AGBL4: variants seen among roughly 807,000 people sequenced by gnomAD.
AGBL4 encodes AGBL carboxypeptidase 4.
In AGBL4, 58 loss-of-function variants were observed where a neutral mutation model predicts 66.4. That is an observed-to-expected ratio of 0.87 (90% CI 0.71 to 1.09). The LOEUF (loss-of-function observed/expected upper bound fraction) is 1.09, where lower values mean the gene tolerates loss of function less well. Ranked by LOEUF, AGBL4 falls within the 50% of genes least tolerant of loss-of-function variation. The pLI is 0.00. For synonymous variants in AGBL4, 234 were observed against 222.9 expected (o/e 1.05, Z -0.44); for missense variants, 579 against 631.0 (o/e 0.92, Z 0.88).
At chr1:49,584,459 ATTACACGTCATC>A (rs1196631734) in intron 3 of AGBL4, among the ~76,000 whole-genome samples, 1 of 152,144 alleles carries the variant, frequency 6.6e-6, no homozygotes, top group African/African-American at 2.4e-5. Flanking sequence ...CCTATGAGGT[ATTACACGTCATC>A]TTGGAAAGCA....
chr1:49,775,698 T>C (rs1400756586), intron 2 of AGBL4, among the ~76,000 whole-genome samples: 5 of 152,122 alleles, frequency 3.3e-5, no homozygotes, highest in Non-Finnish European at 5.9e-5. Context: ...CAATATATTA[T>C]AGACTTTTAC....
chr1:49,598,100 T>C (rs1343635166), intron 3 of AGBL4, among the ~76,000 whole-genome samples: 1 of 152,210 alleles, frequency 6.6e-6, no homozygotes, highest in Non-Finnish European at 1.5e-5. Flanking sequence ...GTGCTGGTTT[T>C]CAAAGGGAGT....
At chr1:49,662,425 T>C (rs1646287925) in intron 3 of AGBL4, among the ~76,000 whole-genome samples, 1 of 152,034 alleles carries the variant, frequency 6.6e-6, no homozygotes, top group African/African-American at 2.4e-5. Flanking sequence ...AAACATCTTT[T>C]AACACAATGA....
chr1:49,064,618 A>G (rs1166419896), intron 4 of AGBL4, among the ~76,000 whole-genome samples: 1 of 152,232 alleles, frequency 6.6e-6, no homozygotes, highest in Non-Finnish European at 1.5e-5. Context: ...AAATAGATTT[A>G]TATTCTTACA....
chr1:48,663,071 T>C (rs1371195728), intron 7 of AGBL4, 81 bp downstream of exon 7: 4 of 1,311,258 alleles, frequency 3.1e-6, no homozygotes, highest in Non-Finnish European at 4.4e-6. Flanking sequence ...TGGCTCTGCA[T>C]GTGGCCACAC....
intron 3 of AGBL4, among the ~76,000 whole-genome samples, chr1:49,325,816 T>A (rs1645218672): frequency 6.6e-6 from 1 of 152,240 alleles, no homozygotes. Flanking sequence ...GTGCTATCTA[T>A]TCTCATGATA....
intron 11 of AGBL4, among the ~76,000 whole-genome samples, chr1:48,579,395 T>C (rs1280249727): frequency 6.7e-6 from 1 of 149,324 alleles, no homozygotes; most frequent in Non-Finnish European, 1.5e-5. Flanking sequence ...GTTTGGCTAT[T>C]TTGTTGTTGT....
At chr1:49,156,711 T>C (rs1382615861) in intron 4 of AGBL4, among the ~76,000 whole-genome samples, 1 of 152,180 alleles carries the variant, frequency 6.6e-6, no homozygotes, top group Non-Finnish European at 1.5e-5. Context: ...TTTATAAACT[T>C]ATTTCAGAGT....
chr1:49,299,194 G>A (rs1002395141), intron 3 of AGBL4, among the ~76,000 whole-genome samples: 2 of 152,104 alleles, frequency 1.3e-5, no homozygotes, highest in African/African-American at 4.8e-5. Context: ...TATAAAGCTA[G>A]TATATGAGAT....
chr1:49,327,343 C>T (rs1384258509), intron 3 of AGBL4, among the ~76,000 whole-genome samples: 1 of 152,210 alleles, frequency 6.6e-6, no homozygotes, highest in Non-Finnish European at 1.5e-5. Context: ...ATTTACTAAA[C>T]AAACTAGGCT....
chr1:48,984,480 C>T (rs939928804), intron 5 of AGBL4, among the ~76,000 whole-genome samples: 4 of 149,084 alleles, frequency 2.7e-5, no homozygotes, highest in African/African-American at 2.5e-5. Context: ...GCCTGAGCCT[C>T]GGCTTTCCCA....
chr1:48,953,844 C>A (rs977175889), intron 5 of AGBL4, among the ~76,000 whole-genome samples: 5 of 152,156 alleles, frequency 3.3e-5, no homozygotes, highest in African/African-American at 1.2e-4. Flanking sequence ...TGGCTCAGAG[C>A]AGGAACAACG....
Position 48,603,527 on chromosome 1 carries a change from G to C in AGBL4, c.952-12542C>G, listed in dbSNP as rs142742667. The stretch of plus-strand genomic sequence containing the variant: ...GAAGAGCAGGGGAGGGGACACAGAG[G>C]GGGGTGAGGAAACAGACTAGAGAGG... On this transcript the variant is annotated intron_variant, in intron 9 of 13. Coordinates refer to ENST00000371839, the MANE Select transcript of AGBL4 (RefSeq NM_032785.4). Among the ~76,000 whole-genome samples, 486 of 152,206 alleles carry C rather than the reference G, an allele frequency of 3.2e-3. 8 individuals carry two copies. Among genetic ancestry groups the C allele is most frequent in the African/African-American group, 0.011 (445 of 41,544 alleles).
At chr1:48,897,924 C>A (rs1342806615) in intron 5 of AGBL4, among the ~76,000 whole-genome samples, 1 of 151,748 alleles carries the variant, frequency 6.6e-6, no homozygotes, top group South Asian at 2.1e-4. Flanking sequence ...ATTCTCCTGC[C>A]TCAGCCTCCC....
chr1:49,772,132 T>C (rs1435614208), intron 2 of AGBL4, among the ~76,000 whole-genome samples: 1 of 152,148 alleles, frequency 6.6e-6, no homozygotes, highest in African/African-American at 2.4e-5. Flanking sequence ...GTTCTACTTC[T>C]TTGTGTATCT....
At chr1:49,774,766 A>C (rs2147891412) in intron 2 of AGBL4, among the ~76,000 whole-genome samples, 1 of 152,346 alleles carries the variant, frequency 6.6e-6, no homozygotes, top group African/African-American at 2.4e-5. Flanking sequence ...AGGTATGAAG[A>C]AATCGAAATT....
chr1:49,927,868 C>T (rs1440400619), intron 1 of AGBL4, among the ~76,000 whole-genome samples: 1 of 152,014 alleles, frequency 6.6e-6, no homozygotes, highest in Non-Finnish European at 1.5e-5. Flanking sequence ...CAATAATTAA[C>T]AGAATAATCA....
chr1:49,103,974 C>T (rs1388639191), intron 4 of AGBL4, among the ~76,000 whole-genome samples: 4 of 152,132 alleles, frequency 2.6e-5, no homozygotes, highest in Non-Finnish European at 5.9e-5. Context: ...GATTGGGTCC[C>T]AAACTAATCT....
intron 6 of AGBL4, among the ~76,000 whole-genome samples, chr1:48,752,826 T>C (rs1022183279): frequency 1.3e-5 from 2 of 152,172 alleles, no homozygotes; most frequent in African/African-American, 4.8e-5. Flanking sequence ...CTTGGCTCAC[T>C]GCAACCTCTG....
Sources: gnomAD v4.1 joint callset for allele counts (sites outside exome capture counted in the v4.1 genomes callset) on GRCh38, gnomAD v4.1.1 for gene constraint, MANE v1.5 for transcripts, NCBI Gene and HGNC (gene_info 2026-07-23, HGNC 2026-07-21) for gene names.